Variants in RPS6KC1 observed in about 807,000 individuals in gnomAD.
RPS6KC1 encodes ribosomal protein S6 kinase C1.
RPS6KC1 carries 54 observed loss-of-function variants against 103.8 expected under a neutral mutation model. That is an observed-to-expected ratio of 0.52 (90% CI 0.42 to 0.65). The LOEUF is 0.65. Ranked by LOEUF, RPS6KC1 falls within the 30% of genes least tolerant of loss-of-function variation. RPS6KC1 has a pLI of 0.00. For missense variants in RPS6KC1, 1,151 were observed against 1,253.8 expected, an observed-to-expected ratio of 0.92 and a Z score of 1.24; for synonymous variants, 439 against 438.7, an observed-to-expected ratio of 1.00 and a Z score of -0.01.
chr1:213,454,584 A>G, the RPS6KC1 span, among the ~76,000 whole-genome samples: 1 of 152,342 alleles, frequency 6.6e-6, no homozygotes, highest in South Asian at 2.1e-4. Context: ...CTGTAGACAA[A>G]AAGTATTCTG....
chr1:213,441,726 G>A, the RPS6KC1 span, among the ~76,000 whole-genome samples: 3 of 152,104 alleles, frequency 2.0e-5, no homozygotes, highest in South Asian at 6.2e-4. Flanking sequence ...ATGGTCAAAG[G>A]GAACCAAATC....
chr1:213,624,590 A>T, the RPS6KC1 span, among the ~76,000 whole-genome samples: 1 of 152,208 alleles, frequency 6.6e-6, no homozygotes, highest in Non-Finnish European at 1.5e-5. Context: ...CTAGTCAGGG[A>T]TGTCCAGGCT....
intron 5 of RPS6KC1, among the ~76,000 whole-genome samples, chr1:213,124,657 C>T (rs2084774849): frequency 6.6e-6 from 1 of 152,030 alleles, no homozygotes; most frequent in South Asian, 2.1e-4. Flanking sequence ...AAATAAGATT[C>T]ATTGCTGTGG....
the RPS6KC1 span, among the ~76,000 whole-genome samples, chr1:213,476,762 C>T: frequency 6.6e-6 from 1 of 152,076 alleles, no homozygotes; most frequent in Non-Finnish European, 1.5e-5. Context: ...GACTGTTGCC[C>T]TTGTGCTATT....
At chr1:213,817,326 CG>C in the RPS6KC1 span, among the ~76,000 whole-genome samples, 1 of 152,170 alleles carries the variant, frequency 6.6e-6, no homozygotes, top group East Asian at 1.9e-4. Flanking sequence ...AGAAGGAAGG[CG>C]GGGGAAGGCT....
chr1:213,523,754 G>A, the RPS6KC1 span, among the ~76,000 whole-genome samples: 2 of 152,244 alleles, frequency 1.3e-5, no homozygotes, highest in Non-Finnish European at 2.9e-5. Context: ...TAAGTAAGAA[G>A]CTGCATTAGC....
At chr1:213,477,060 G>A in the RPS6KC1 span, among the ~76,000 whole-genome samples, 1 of 152,148 alleles carries the variant, frequency 6.6e-6, no homozygotes, top group South Asian at 2.1e-4. Context: ...CCTTCCCCCT[G>A]ATGAAAGATC....
chr1:213,711,395 A>T, the RPS6KC1 span, among the ~76,000 whole-genome samples: 1 of 152,112 alleles, frequency 6.6e-6, no homozygotes, highest in Non-Finnish European at 1.5e-5. Flanking sequence ...TGCTCATTCT[A>T]GTTAGCAATT....
the RPS6KC1 span, among the ~76,000 whole-genome samples, chr1:213,559,558 AC>A: frequency 6.6e-6 from 1 of 152,214 alleles, no homozygotes; most frequent in Non-Finnish European, 1.5e-5. Context: ...TTTAAATGAT[AC>A]ATGCCTCACC....
At chr1:213,312,144 T>C in the RPS6KC1 span, among the ~76,000 whole-genome samples, 1 of 151,930 alleles carries the variant, frequency 6.6e-6, no homozygotes, top group African/African-American at 2.4e-5. Context: ...CAGGCCACCT[T>C]CTCAGTCTCC....
the RPS6KC1 span, among the ~76,000 whole-genome samples, chr1:213,602,198 C>CTTTT: frequency 1.2e-5 from 1 of 84,782 alleles, no homozygotes; most frequent in Non-Finnish European, 2.2e-5. Context: ...TTTTCCCTCC[C>CTTTT]TCCCTCCCTC....
the RPS6KC1 span, among the ~76,000 whole-genome samples, chr1:213,760,651 T>C: frequency 8.5e-5 from 13 of 152,336 alleles, no homozygotes; most frequent in East Asian, 2.3e-3. Flanking sequence ...ACATTAGTAA[T>C]CAGTTTTGTG....
chr1:213,808,479 C>T, the RPS6KC1 span, among the ~76,000 whole-genome samples: 3 of 152,242 alleles, frequency 2.0e-5, no homozygotes, highest in Non-Finnish European at 4.4e-5. Flanking sequence ...CAAGCCTGGG[C>T]AATGGTGGGT....
At chr1:213,174,634 C>T (rs1195656105) in intron 7 of RPS6KC1, among the ~76,000 whole-genome samples, 1 of 142,470 alleles carries the variant, frequency 7.0e-6, no homozygotes, top group Non-Finnish European at 1.5e-5. Flanking sequence ...TGAGCCGCTG[C>T]ACTCCAGCCT....
At chr1:213,375,161 G>A in the RPS6KC1 span, among the ~76,000 whole-genome samples, 67 of 145,906 alleles carry the variant, frequency 4.6e-4, no homozygotes, top group East Asian at 6.0e-4. Context: ...ATATATACAC[G>A]CATACACACA....
At chr1:213,773,636 G>A in the RPS6KC1 span, among the ~76,000 whole-genome samples, 2 of 151,648 alleles carry the variant, frequency 1.3e-5, no homozygotes, top group Non-Finnish European at 2.9e-5. Context: ...GTGGTGACTG[G>A]CAAGTTTAAA....
At chr1:213,195,679 T>C (rs756463430) in intron 8 of RPS6KC1, among the ~76,000 whole-genome samples, 2 of 152,154 alleles carry the variant, frequency 1.3e-5, no homozygotes, top group African/African-American at 2.4e-5. Context: ...CTTCATAACT[T>C]AGCTCCTACT....
At chr1:213,818,672 G>A in the RPS6KC1 span, 1 of 152,324 alleles carries the variant, frequency 6.6e-6, no homozygotes, top group Non-Finnish European at 1.5e-5. Context: ...GGCTTAAGGA[G>A]GTGGTTCCAA....
chr1:213,096,821 TTAAA>T (rs1267773977), intron 3 of RPS6KC1, among the ~76,000 whole-genome samples: 17 of 152,174 alleles, frequency 1.1e-4, no homozygotes, highest in Non-Finnish European at 4.4e-5. Flanking sequence ...AATGTATTTC[TTAAA>T]TAAATAATAA....
Sources: allele counts gnomAD v4.1 joint callset (sites outside exome capture counted in the v4.1 genomes callset), GRCh38; gene constraint gnomAD v4.1.1; transcripts MANE v1.5; gene names NCBI Gene and HGNC (gene_info 2026-07-23, HGNC 2026-07-21).